Variants in KIT observed in about 807,000 individuals in gnomAD.
KIT encodes mast/stem cell growth factor receptor Kit.
In KIT, 16 loss-of-function variants were observed where a neutral mutation model predicts 105.7. The observed-to-expected ratio is 0.15, with a 90% confidence interval of 0.10 to 0.23. KIT has a LOEUF of 0.23. Among genes scored for constraint, KIT ranks in the 10% least tolerant of loss-of-function variants. The probability of loss-of-function intolerance (pLI) is 1.00; values close to 1 mark genes in which losing one functional copy is unlikely to be tolerated. For synonymous variants in KIT, 438 were observed against 441.1 expected (o/e 0.99, Z 0.09); for missense variants, 858 against 1,213.8 (o/e 0.71, Z 4.36).
chr4:54,661,972 C>G (rs1276344211), intron 1 of KIT, among the ~76,000 whole-genome samples: 1 of 152,092 alleles, frequency 6.6e-6, no homozygotes, highest in African/African-American at 2.4e-5. Flanking sequence ...TCTGATAGCC[C>G]GAGGAGACAT....
At chr4:54,724,538 G>A (rs1722097126) in intron 8 of KIT, among the ~76,000 whole-genome samples, 1 of 152,124 alleles carries the variant, frequency 6.6e-6, no homozygotes, top group African/African-American at 2.4e-5. Flanking sequence ...AGCAAGCCCT[G>A]TAGTTACAGG....
At chr4:54,670,225 C>T (rs887509298) in intron 1 of KIT, among the ~76,000 whole-genome samples, 28 of 152,300 alleles carry the variant, frequency 1.8e-4, no homozygotes, top group Non-Finnish European at 2.5e-4. Context: ...AGAGATGTTT[C>T]AGGGTCCAGG....
At chr4:54,735,379 G>A (rs376774932) in intron 17 of KIT, among the ~76,000 whole-genome samples, 1,667 of 86,870 alleles carry the variant, frequency 0.019, 6 homozygotes, top group Non-Finnish European at 0.027. Flanking sequence ...AAAAAAAAAA[G>A]AAAAAAAAAA....
intron 7 of KIT, among the ~76,000 whole-genome samples, chr4:54,711,208 T>A (rs1721140540): frequency 6.6e-6 from 1 of 152,222 alleles, no homozygotes; most frequent in Non-Finnish European, 1.5e-5. Flanking sequence ...CATAATTGTC[T>A]TATTTGATGC....
intron 1 of KIT, among the ~76,000 whole-genome samples, chr4:54,660,532 T>C (rs1278513155): frequency 6.6e-5 from 10 of 152,222 alleles, no homozygotes. Context: ...AATCATGTAA[T>C]GCTATGCATT....
At chr4:54,731,281 C>T (rs754129252) in intron 14 of KIT, 47 bp from the exon 15 acceptor site, 1 of 1,349,132 alleles carries the variant, frequency 7.4e-7, no homozygotes, top group East Asian at 2.3e-5. Context: ...GAGTGCCCTT[C>T]TACATGTCCC....
chr4:54,731,017 A>G (rs1250845777), intron 14 of KIT, among the ~76,000 whole-genome samples: 2 of 152,112 alleles, frequency 1.3e-5, no homozygotes, highest in Non-Finnish European at 2.9e-5. Context: ...AATACGGGAT[A>G]CCATATTTGG....
At chr4:54,678,981 G>T (rs1188286337) in intron 1 of KIT, among the ~76,000 whole-genome samples, 1 of 151,820 alleles carries the variant, frequency 6.6e-6, no homozygotes, top group East Asian at 1.9e-4. Flanking sequence ...CTCACTGAAG[G>T]AGACAGCCTT....
chr4:54,703,231 G>GCATC (rs1406618336), intron 4 of KIT, among the ~76,000 whole-genome samples: 1 of 152,136 alleles, frequency 6.6e-6, no homozygotes, highest in Non-Finnish European at 1.5e-5. Flanking sequence ...ACTGCAGGAT[G>GCATC]AGTTTCCAAG....
rs1723069735 is a variant in KIT at position 54,738,629 on chromosome 4, T to C, written c.*72T>C. On this transcript the variant is annotated 3_prime_UTR_variant, in exon 21 of 21. Coordinates refer to ENST00000288135, the MANE Select transcript of KIT (RefSeq NM_000222.3). ...TGGCTTCCATGATGGTTATTTTCTT[T>C]TCTTTCAACTTGCATCCAACTCCAG... 1 of 1,580,700 alleles carries C rather than the reference T, an allele frequency of 6.3e-7. No homozygotes were observed. The highest frequency in any genetic ancestry group is 1.3e-5 in the African/African-American group (1 of 74,308).
intron 4 of KIT, among the ~76,000 whole-genome samples, chr4:54,703,242 C>T (rs906351744): frequency 6.6e-6 from 1 of 152,142 alleles, no homozygotes; most frequent in Non-Finnish European, 1.5e-5. Context: ...AGTTTCCAAG[C>T]TAGTTGTTGA....
At chr4:54,728,221 G>T (rs1286446733) in intron 13 of KIT, 100 bp downstream of exon 13, 2 of 849,382 alleles carry the variant, frequency 2.4e-6, no homozygotes. Flanking sequence ...CTGCTTGGAA[G>T]ATTTTTTTAC....
chr4:54,695,202 G>A (rs1164262814), intron 1 of KIT, among the ~76,000 whole-genome samples: 3 of 152,178 alleles, frequency 2.0e-5, no homozygotes, highest in Non-Finnish European at 2.9e-5. Context: ...ACACTGCGAA[G>A]ATGGCCCATA....
At chr4:54,689,614 A>G (rs1719553133) in intron 1 of KIT, among the ~76,000 whole-genome samples, 1 of 152,242 alleles carries the variant, frequency 6.6e-6, no homozygotes. Context: ...AATAGAGGCC[A>G]GTGTGATCAG....
chr4:54,662,773 A>C (rs1027236642), intron 1 of KIT, among the ~76,000 whole-genome samples: 2 of 152,068 alleles, frequency 1.3e-5, no homozygotes, highest in Non-Finnish European at 2.9e-5. Flanking sequence ...GGGTTTCACC[A>C]TGTTGGCCTG....
chr4:54,658,108 C>T lies in KIT; in HGVS notation c.67+27C>T, dbSNP rs754515716. On this transcript the variant is annotated intron_variant, in intron 1 of 20. Transcript: ENST00000288135. The stretch of plus-strand genomic sequence containing the variant: ...TGGGACACCGCGGCTGGCACCCCGA[C>T]CGTGCGACTACTCGGCGAAGCCTGT... The T allele has an allele frequency of 1.9e-6, 3 of 1,610,450 alleles. No individual in the cohort carries two copies. In the South Asian group the frequency reaches 3.3e-5, roughly 18 times the overall value.
At chr4:54,690,003 A>T (rs1719580735) in intron 1 of KIT, among the ~76,000 whole-genome samples, 1 of 147,222 alleles carries the variant, frequency 6.8e-6, no homozygotes, top group African/African-American at 2.6e-5. Context: ...GACCTAGCAT[A>T]CTGTTTGCAA....
rs942280887 is a variant in KIT at position 54,695,600 on chromosome 4, C to T, written c.156C>T (p.Asp52=). 1.7e-5 allele frequency: 28 copies of T among 1,614,048 alleles called. No individual in the cohort carries two copies. Among genetic ancestry groups the T allele is most frequent in the Non-Finnish European group, 1.9e-5 (23 of 1,180,050 alleles). ...CAGACTTAATAGTCCGCGTGGGCGA[C>T]GAGATTAGGCTGTTATGCACTGATC... ...GKSDLIVRVG[D]EIRLLCTDPG... The change falls in exon 2 of 21, where the codon GAC becomes GAT. Residue 52 remains aspartate (D), a synonymous_variant. Transcript: ENST00000288135.
At chr4:54,685,694 C>G (rs999180006) in intron 1 of KIT, among the ~76,000 whole-genome samples, 3 of 152,198 alleles carry the variant, frequency 2.0e-5, no homozygotes, top group African/African-American at 7.2e-5. Flanking sequence ...TAGCCTCACA[C>G]CGGCAGCAAT....
Sources: gnomAD v4.1 joint callset for allele counts (sites outside exome capture counted in the v4.1 genomes callset) on GRCh38, gnomAD v4.1.1 for gene constraint, MANE v1.5 for transcripts, NCBI Gene and HGNC (gene_info 2026-07-23, HGNC 2026-07-21) for gene names.